Variants in GATA3 observed in about 807,000 individuals in gnomAD.
GATA3 encodes the protein trans-acting T-cell-specific transcription factor GATA-3.
GATA3 carries 6 observed loss-of-function variants against 36.0 expected under a neutral mutation model. The ratio of observed to expected loss-of-function variants is 0.17; its 90% CI spans 0.09 to 0.33. The LOEUF is 0.33. GATA3 is among the 10% of genes least tolerant of loss of function. The pLI, the probability that GATA3 is intolerant of heterozygous loss-of-function variation, is 1.00. For missense variants in GATA3, 514 were observed against 610.1 expected (o/e 0.84, Z 1.66); for synonymous variants, 326 against 273.0 (o/e 1.19, Z -1.92).
chr10:8,067,772 C>T (rs576052566), intron 4 of GATA3, among the ~76,000 whole-genome samples: 11 of 152,142 alleles, frequency 7.2e-5, no homozygotes, highest in South Asian at 2.1e-4. Flanking sequence ...GAGCCGAGAT[C>T]GCGCCACTGC....
In GATA3 at chr10:8,054,906, CTT is replaced by C. The variant is rs397846644; in HGVS notation, c.-370+27_-370+28del. The stretch of plus-strand genomic sequence containing the variant: ...TCGCTACCCAGGTTGGTACTGGTGA[CTT>C]TTTTTTTTTTTAAGTTTGATTTTTT... On this transcript the variant is annotated intron_variant, in intron 1 of 5. Transcript: ENST00000379328. This position sits in a 1 kb window ranked among gnomAD's most constrained non-coding sequence, Gnocchi z 4.2. 15 of 146,314 alleles carry C rather than the reference CTT, an allele frequency of 1.0e-4. No homozygotes were observed. Among genetic ancestry groups the C allele is most frequent in the South Asian group, 2.2e-4 (1 of 4,560 alleles). The allele number at this position is 146,314 out of a possible 1,614,324, so 9.1% of individuals were successfully genotyped here. A position where few individuals can be genotyped will look rare whatever the true frequency, so the allele number is the denominator to read the frequency against.
chr10:8,066,227 A>G (rs1196620301), intron 4 of GATA3, among the ~76,000 whole-genome samples: 1 of 152,146 alleles, frequency 6.6e-6, no homozygotes, highest in Admixed American at 6.5e-5. Flanking sequence ...ATTCCATTTT[A>G]TGCAATTTTA....
At chr10:8,065,962 T>TAA (rs66810069) in intron 4 of GATA3, among the ~76,000 whole-genome samples, 18 of 91,022 alleles carry the variant, frequency 2.0e-4, no homozygotes, top group South Asian at 4.2e-4. Flanking sequence ...CTGGCCTTAG[T>TAA]AAAAAAAAAA....
chr10:8,058,887 C>T lies in GATA3; in HGVS notation c.778+46C>T, dbSNP rs772585940. The T allele has an allele frequency of 3.8e-6, 6 of 1,578,446 alleles. No individual in the cohort carries two copies. The South Asian group carries it at 4.4e-5, about 12-fold the overall frequency. On this transcript the variant is annotated intron_variant, in intron 3 of 5. Coordinates refer to ENST00000379328, the MANE Select transcript of GATA3 (RefSeq NM_001002295.2). ...GGAGCCTTTTCTCCTCCCTCCTCCC[C>T]TTTTCCTCAATCCAGGGCCGCACCC...
rs1832613536 is a variant in GATA3, at chr10:8,055,517, A to C, written c.-139A>C. 2.0e-4 allele frequency: 143 copies of C among 730,942 alleles called. No individual in the cohort carries two copies. Among genetic ancestry groups the C allele is most frequent in the Non-Finnish European group, 1.7e-4 (78 of 465,894 alleles). 45.3% of individuals were successfully genotyped at this position (730,942 alleles called of 1,614,324 possible). A position where few individuals can be genotyped will look rare whatever the true frequency, so the allele number is the denominator to read the frequency against. Reference sequence around the variant, plus strand: ...CTCACCTTTGCTTCCCAGCCTTCCCATCCCCCCACCGAAAGCAAATCATTC... The same window carrying C: ...CTCACCTTTGCTTCCCAGCCTTCCCCTCCCCCCACCGAAAGCAAATCATTC... On this transcript the variant is annotated 5_prime_UTR_variant, in exon 2 of 6. Transcript: ENST00000379328. This position sits in a 1 kb window ranked among gnomAD's most constrained non-coding sequence, Gnocchi z 5.4.
chr10:8,075,112 G>C lies in GATA3; in HGVS notation c.*1089G>C, dbSNP rs936763610. 1.7e-5 allele frequency: 4 copies of C among 232,846 alleles called. No homozygotes were observed. Among genetic ancestry groups the C allele is most frequent in the Non-Finnish European group, 3.4e-5 (4 of 117,870 alleles). 14.4% of individuals were successfully genotyped at this position (232,846 alleles called of 1,614,324 possible). ...CCCGGCTGCCTCTTCGCCCTGTCGTGTTCTGTGTTAGTGATCACTGCCTTT... is the reference window on the plus strand; with the variant it reads ...CCCGGCTGCCTCTTCGCCCTGTCGTCTTCTGTGTTAGTGATCACTGCCTTT... On this transcript the variant is annotated 3_prime_UTR_variant, in exon 6 of 6. Transcript: ENST00000379328.
At chr10:8,067,783 A>G (rs1006168761) in intron 4 of GATA3, among the ~76,000 whole-genome samples, 6 of 152,196 alleles carry the variant, frequency 3.9e-5, no homozygotes, top group Non-Finnish European at 7.4e-5. Context: ...GCGCCACTGC[A>G]CTCCAGCCTG....
chr10:8,059,045 T>G (rs761393375), intron 3 of GATA3, among the ~76,000 whole-genome samples: 1 of 152,084 alleles, frequency 6.6e-6, no homozygotes, highest in Non-Finnish European at 1.5e-5. Flanking sequence ...AGAGGGGAAG[T>G]GGGATCTGAT....
At chr10:8,050,123 G>A (rs906408493), upstream of GATA3, among the ~76,000 whole-genome samples, 1 of 152,216 alleles carries the variant, frequency 6.6e-6, no homozygotes, top group African/African-American at 2.4e-5. Context: ...GAAAGAAGCC[G>A]GCGCCTCCCC....
intron 2 of GATA3, among the ~76,000 whole-genome samples, chr10:8,057,979 G>A (rs1832669386): frequency 6.6e-6 from 1 of 152,172 alleles, no homozygotes; most frequent in African/African-American, 2.4e-5. Flanking sequence ...TTTAGGCGGT[G>A]TATCTGGAGA....
chr10:8,061,142 C>T (rs1346196439), intron 3 of GATA3, among the ~76,000 whole-genome samples: 1 of 151,678 alleles, frequency 6.6e-6, no homozygotes, highest in Non-Finnish European at 1.5e-5. Context: ...AAGGAGGACA[C>T]AGAGAAGAGA....
chr10:8,071,398 G>A (rs1323569519), intron 5 of GATA3, among the ~76,000 whole-genome samples: 3 of 152,134 alleles, frequency 2.0e-5, no homozygotes, highest in African/African-American at 7.2e-5. Context: ...CCCTATATTC[G>A]TGGAAGTATA....
At chr10:8,065,121 A>G (rs951282857) in intron 4 of GATA3, among the ~76,000 whole-genome samples, 7 of 152,184 alleles carry the variant, frequency 4.6e-5, no homozygotes, top group Non-Finnish European at 7.4e-5. Flanking sequence ...TGGATAAATT[A>G]GCATCCATCA....
At position 8,074,279 on chromosome 10, in the gene GATA3, A is replaced by G; in HGVS notation, c.*256A>G. On this transcript the variant is annotated 3_prime_UTR_variant, in exon 6 of 6. Coordinates refer to ENST00000379328, the MANE Select transcript of GATA3 (RefSeq NM_001002295.2). ...ATTTAACAGGGTCTCTAGTGCTGTG[A>G]AAAAAAAAATGCTGAACATTGCATA... The G allele has an allele frequency of 9.0e-6, 3 of 332,188 alleles. No homozygotes were observed. Among genetic ancestry groups the G allele is most frequent in the Non-Finnish European group, 1.5e-5 (3 of 202,182 alleles). The allele number at this position is 332,188 out of a possible 1,614,324, so 20.6% of individuals were successfully genotyped here.
upstream of GATA3, chr10:8,050,931 GC>G: frequency 2.1e-6 from 1 of 469,270 alleles, no homozygotes; most frequent in Non-Finnish European, 4.4e-6. Flanking sequence ...GGCGCCCGGG[GC>G]CGCTTCTCCC....
At chr10:8,051,236 C>A (rs367788737), upstream of GATA3, 171 of 404,360 alleles carry the variant, frequency 4.2e-4, 2 homozygotes, top group African/African-American at 3.3e-3. Context: ...GAAAGTCCGG[C>A]TCCATTTCTC....
rs34193161 is a variant in GATA3, at chr10:8,065,252, C to CTTTTTTTT, written c.924+1130_924+1137dup. Among the ~76,000 whole-genome samples the CTTTTTTTT allele has an allele frequency of 2.7e-3, 252 of 92,064 alleles. 15 individuals carry two copies. The highest frequency in any genetic ancestry group is 5.5e-3 in the African/African-American group (117 of 21,284). The allele number at this position is 92,064 out of a possible 152,430, so 60.4% of individuals were successfully genotyped here. Reference sequence around the variant, plus strand: ...CCTATTTTGAAGAAGGAAAAACTTTCTTTTTTTTTTTTTTTTTTTTTTTGA... The same window carrying CTTTTTTTT: ...CCTATTTTGAAGAAGGAAAAACTTTCTTTTTTTTTTTTTTTTTTTTTTTTTTTTTTTGA... On this transcript the variant is annotated intron_variant, in intron 4 of 5. Transcript: ENST00000379328.
chr10:8,052,763 C>T (rs998776277), upstream of GATA3: 6 of 152,120 alleles, frequency 3.9e-5, no homozygotes, highest in Non-Finnish European at 5.9e-5. Context: ...TTAGAGAGCG[C>T]TGTGAGCAGG....
At chr10:8,046,647 C>CTGTGTG (rs1564392141) in intron 1 of GATA3, among the ~76,000 whole-genome samples, 8 of 94,052 alleles carry the variant, frequency 8.5e-5, no homozygotes, top group Admixed American at 2.3e-4. Flanking sequence ...AAATGGCTGG[C>CTGTGTG]AGTGTGTGTG....
Sources: allele counts gnomAD v4.1 joint callset (sites outside exome capture counted in the v4.1 genomes callset), GRCh38; gene constraint gnomAD v4.1.1; non-coding constraint Gnocchi (gnomAD v3.1); transcripts MANE v1.5; gene names NCBI Gene and HGNC (gene_info 2026-07-23, HGNC 2026-07-21).